Variants in ZBED4 observed in about 807,000 individuals in gnomAD.
ZBED4 encodes the protein zinc finger BED domain-containing protein 4.
Under a neutral mutation model 15.5 loss-of-function variants are expected in ZBED4, and 4 were observed. That is an observed-to-expected ratio of 0.26 (90% CI 0.13 to 0.59). The LOEUF is 0.59. ZBED4 is among the 20% of genes least tolerant of loss of function. ZBED4 has a pLI of 0.90. For synonymous variants in ZBED4, 692 were observed against 608.5 expected (o/e 1.14, Z -2.02); for missense variants, 1,323 against 1,461.8 (o/e 0.91, Z 1.55).
At chr22:49,865,863 C>CTTT (rs112145673) in intron 1 of ZBED4, among the ~76,000 whole-genome samples, 4 of 139,520 alleles carry the variant, frequency 2.9e-5, no homozygotes, top group African/African-American at 1.0e-4. Context: ...TTCACATTTT[C>CTTT]TTTTTTTTTT....
intron 1 of ZBED4, among the ~76,000 whole-genome samples, chr22:49,861,077 A>G (rs114839494): frequency 2.1e-3 from 322 of 152,174 alleles, no homozygotes; most frequent in African/African-American, 7.1e-3. Context: ...TGCCCGGCCT[A>G]GGCAACGCTT....
At chr22:49,872,715 T>C (rs1014302716) in intron 1 of ZBED4, among the ~76,000 whole-genome samples, 1 of 151,778 alleles carries the variant, frequency 6.6e-6, no homozygotes, top group Non-Finnish European at 1.5e-5. Context: ...TTTTTTTTTT[T>C]TTTTCCTGAG....
At chr22:49,879,154 C>CA (rs1211905278) in intron 1 of ZBED4, among the ~76,000 whole-genome samples, 7 of 143,328 alleles carry the variant, frequency 4.9e-5, no homozygotes, top group South Asian at 2.6e-4. Context: ...AAAAAAAAAA[C>CA]AAAAAACAAA....
rs1269619554 is a variant in ZBED4 at position 49,884,372 on chromosome 22, C to T, written c.710C>T (p.Ser237Phe). The change falls in exon 2 of 2, where the codon TCT becomes TTT. Residue 237 changes from serine (S) to phenylalanine (F), a missense_variant. Ser to Phe is a radical substitution (Grantham distance 155, BLOSUM62 -2). This residue lies in a region of ZBED4 where 380 missense variants were observed against 413.7 expected (regional missense o/e 0.92). Transcript: ENST00000216268. ...VSVVSSEEIS[S>F]DMSVSEKCGR... Reference sequence around the variant, plus strand: ...GTAGTTTCTTCTGAAGAAATCTCCTCTGACATGTCCGTTTCGGAGAAGTGC... The same window carrying T: ...GTAGTTTCTTCTGAAGAAATCTCCTTTGACATGTCCGTTTCGGAGAAGTGC... 6.2e-7 allele frequency: 1 copy of T among 1,612,906 alleles called. No homozygotes were observed. Among genetic ancestry groups the T allele is most frequent in the Non-Finnish European group, 8.5e-7 (1 of 1,179,298 alleles).
intron 1 of ZBED4, among the ~76,000 whole-genome samples, chr22:49,864,055 GTTTCT>G (rs2060309410): frequency 6.6e-6 from 1 of 152,134 alleles, no homozygotes; most frequent in African/African-American, 2.4e-5. Context: ...TTCAGCTCTG[GTTTCT>G]TTTAAGGGCT....
intron 1 of ZBED4, among the ~76,000 whole-genome samples, chr22:49,871,240 GCA>G (rs1350197669): frequency 2.8e-5 from 4 of 143,908 alleles, no homozygotes; most frequent in Non-Finnish European, 6.1e-5. Context: ...TAATTCATCA[GCA>G]CTTTGGGAGG....
intron 1 of ZBED4, among the ~76,000 whole-genome samples, chr22:49,881,304 G>A (rs2060408317): frequency 1.3e-5 from 2 of 152,236 alleles, no homozygotes; most frequent in Non-Finnish European, 1.5e-5. Flanking sequence ...AACTGAGATC[G>A]TGCCGCTGCA....
In ZBED4 at chr22:49,884,211, CT is replaced by C; in HGVS notation, c.550del (p.Ser184LeufsTer39). The C allele has an allele frequency of 6.2e-7, 1 of 1,604,018 alleles. No homozygotes were observed. The highest frequency in any genetic ancestry group is 8.5e-7 in the Non-Finnish European group (1 of 1,173,928). On this transcript the variant is annotated frameshift_variant, in exon 2 of 2. Transcript: ENST00000216268. LOFTEE classifies it low-confidence loss of function (END_TRUNC). The part of the protein sequence containing the change: ...GSVSAVSSFP[S>X]PSLLLPPQPA... ...GTGTGTCTGCCGTGTCCTCGTTCCC[CT>C]CTCCCTCACTCCTGCTTCCACCACA...
At chr22:49,857,919 C>G (rs947593105) in intron 1 of ZBED4, among the ~76,000 whole-genome samples, 2 of 152,176 alleles carry the variant, frequency 1.3e-5, no homozygotes, top group Non-Finnish European at 2.9e-5. Context: ...GCCACCGTGC[C>G]CGGTTAATTT....
At position 49,885,053 on chromosome 22, in the gene ZBED4, A is replaced by G. The variant is rs769556083; in HGVS notation, c.1391A>G (p.His464Arg). The G allele has an allele frequency of 1.2e-6, 2 of 1,611,818 alleles. No homozygotes were observed. Among genetic ancestry groups the G allele is most frequent in the African/African-American group, 2.7e-5 (2 of 74,828 alleles). Residue 464 changes from histidine to arginine, a missense_variant, in exon 2 of 2, where the codon CAC becomes CGC. By Grantham distance (29) the His-to-Arg change is conservative. This residue lies in a region of ZBED4 where 429 missense variants were observed against 397.9 expected (regional missense o/e 1.08). Transcript: ENST00000216268. ...MKRLKSEVWH[H>R]FSLAPMDSLK... ...AGACTGAAGTCGGAGGTCTGGCATC[A>G]CTTCTCCCTGGCCCCCATGGACAGC...
At chr22:49,865,321 G>T (rs556944635) in intron 1 of ZBED4, among the ~76,000 whole-genome samples, 1 of 152,082 alleles carries the variant, frequency 6.6e-6, no homozygotes, top group Non-Finnish European at 1.5e-5. Flanking sequence ...GCCGAGTGAG[G>T]TGTTGCTGTG....
chr22:49,886,573 C>G lies in ZBED4; in HGVS notation c.2911C>G (p.Leu971Val). Reference sequence around the variant, plus strand: ...CATCCTCAACAGGAAGGTGGAGATGCTCTTCGAGGAGACGATGGGCATCGA... The same window carrying G: ...CATCCTCAACAGGAAGGTGGAGATGGTCTTCGAGGAGACGATGGGCATCGA... Reference protein sequence around the residue: ...VHILNRKVEMLFEETMGIDTM... With the variant: ...VHILNRKVEMVFEETMGIDTM... Residue 971 changes from leucine (L) to valine (V), a missense_variant, in exon 2 of 2, where the codon CTC becomes GTC. By Grantham distance (32) the Leu-to-Val change is conservative. Transcript: ENST00000216268. This position sits in a 1 kb window ranked among gnomAD's most constrained non-coding sequence, Gnocchi z 7.7. 6.4e-7 allele frequency: 1 copy of G among 1,555,042 alleles called. No individual in the cohort carries two copies. Among genetic ancestry groups the G allele is most frequent in the Non-Finnish European group, 8.7e-7 (1 of 1,148,968 alleles).
At chr22:49,875,638 C>G (rs2060372651) in intron 1 of ZBED4, among the ~76,000 whole-genome samples, 1 of 152,052 alleles carries the variant, frequency 6.6e-6, no homozygotes, top group African/African-American at 2.4e-5. Context: ...CCAGGCTGGT[C>G]TCGATCTACT....
chr22:49,882,015 TC>T (rs2147542211), intron 1 of ZBED4, among the ~76,000 whole-genome samples: 1 of 152,298 alleles, frequency 6.6e-6, no homozygotes, highest in East Asian at 1.9e-4. Flanking sequence ...TAAGCCTGTT[TC>T]CCCAGCAGTA....
chr22:49,860,528 CT>C (rs1452589996), intron 1 of ZBED4, among the ~76,000 whole-genome samples: 1 of 152,120 alleles, frequency 6.6e-6, no homozygotes, highest in Non-Finnish European at 1.5e-5. Context: ...TTATCTTCCA[CT>C]TTGGATGAAT....
At chr22:49,854,798 T>G (rs1019254009) in intron 1 of ZBED4, among the ~76,000 whole-genome samples, 1 of 152,162 alleles carries the variant, frequency 6.6e-6, no homozygotes, top group Non-Finnish European at 1.5e-5. Flanking sequence ...TGTTCTCGTG[T>G]TGGTCGAAAG....
In ZBED4 at chr22:49,884,400, C is replaced by A; in HGVS notation, c.738C>A (p.Gly246=). ...ACATGTCCGTTTCGGAGAAGTGCGG[C>A]AGAGAAGAAGCCCTGGTGGGGTCGT... ...SSDMSVSEKC[G]REEALVGSSP... The change falls in exon 2 of 2, where the codon GGC becomes GGA. Residue 246 remains glycine, a synonymous_variant. Coordinates refer to ENST00000216268, the MANE Select transcript of ZBED4 (RefSeq NM_014838.3). 1.9e-6 allele frequency: 3 copies of A among 1,613,002 alleles called. No homozygotes were observed. Among genetic ancestry groups the A allele is most frequent in the Non-Finnish European group, 1.7e-6 (2 of 1,179,400 alleles).
In ZBED4 at chr22:49,884,225, T is replaced by A; in HGVS notation, c.563T>A (p.Leu188Gln). The change falls in exon 2 of 2, where the codon CTG (leucine) becomes CAG (glutamine). Residue 188 changes from leucine to glutamine, a missense_variant. Leu to Gln is a moderately radical substitution (Grantham distance 113, BLOSUM62 -2). Coordinates refer to ENST00000216268, the MANE Select transcript of ZBED4 (RefSeq NM_014838.3). ...AVSSFPSPSL[L>Q]LPPQPADAGD... Reference sequence around the variant, plus strand: ...TCCTCGTTCCCCTCTCCCTCACTCCTGCTTCCACCACAGCCTGCGGACGCG... The same window carrying A: ...TCCTCGTTCCCCTCTCCCTCACTCCAGCTTCCACCACAGCCTGCGGACGCG... 6.2e-7 allele frequency: 1 copy of A among 1,602,802 alleles called. No homozygotes were observed. The highest frequency in any genetic ancestry group is 8.5e-7 in the Non-Finnish European group (1 of 1,173,414).
intron 1 of ZBED4, among the ~76,000 whole-genome samples, chr22:49,872,701 T>A (rs951176341): frequency 2.6e-5 from 4 of 151,052 alleles, no homozygotes; most frequent in East Asian, 1.9e-4. Context: ...GGCTAATTTT[T>A]AAATTTTTTT....
Sources: gnomAD v4.1 joint callset for allele counts (sites outside exome capture counted in the v4.1 genomes callset) on GRCh38, gnomAD v4.1.1 for gene constraint, gnomAD v4.1.1 regional missense constraint, Gnocchi (gnomAD v3.1) non-coding constraint, MANE v1.5 for transcripts, NCBI Gene and HGNC (gene_info 2026-07-23, HGNC 2026-07-21) for gene names.